FOXN3: variants seen among roughly 807,000 people sequenced by gnomAD.
The protein encoded by FOXN3 is forkhead box N3, also known as forkhead box protein N3.
In FOXN3, 7 loss-of-function variants were observed where a neutral mutation model predicts 38.4. That is an observed-to-expected ratio of 0.18 (90% CI 0.10 to 0.34). FOXN3 has a LOEUF of 0.34. FOXN3 is among the 10% of genes least tolerant of loss of function. The probability of loss-of-function intolerance (pLI) is 1.00; values close to 1 mark genes in which losing one functional copy is unlikely to be tolerated. For synonymous variants in FOXN3, 230 were observed against 242.2 expected, an observed-to-expected ratio of 0.95 and a Z score of 0.47; for missense variants, 456 against 613.4, an observed-to-expected ratio of 0.74 and a Z score of 2.71.
intron 5 of FOXN3, 128 bp downstream of exon 5, chr14:89,180,573 C>G (rs953921513): frequency 6.9e-6 from 4 of 583,514 alleles, no homozygotes; most frequent in African/African-American, 5.7e-5. Context: ...TTTCTGAGCA[C>G]GCAAACCAGG....
intron 2 of FOXN3, among the ~76,000 whole-genome samples, chr14:89,379,562 C>T (rs1890580903): frequency 6.6e-6 from 1 of 152,182 alleles, no homozygotes; most frequent in Non-Finnish European, 1.5e-5. Context: ...TGCTCCAGAG[C>T]ATGAAGAACT....
chr14:89,156,319 G>A lies in FOXN3; in HGVS notation c.*6095C>T, dbSNP rs1223187507. The A allele has an allele frequency of 6.6e-6, 1 of 152,594 alleles. No individual in the cohort carries two copies. The highest frequency in any genetic ancestry group is 1.5e-5 in the Non-Finnish European group (1 of 68,018). The allele number at this position is 152,594 out of a possible 1,614,324, so 9.5% of individuals were successfully genotyped here. On this transcript the variant is annotated 3_prime_UTR_variant, in exon 6 of 6. Transcript: ENST00000557258. ...TGTCTTTGGCAATATGATTACATAC[G>A]AAGAATGCAAAATGCAGGTATGGAT...
rs576100405 is a variant in FOXN3, at chr14:89,225,004, C to T, written c.746-44198G>A. ...ATTAGCTGGGTGTGGTGGTGCGTGC[C>T]TATAATCCCAGCTACTAGGGAGGCT... On this transcript the variant is annotated intron_variant, in intron 4 of 5. Coordinates refer to ENST00000557258, the MANE Select transcript of FOXN3 (RefSeq NM_005197.4). 2.0e-5 allele frequency among the ~76,000 whole-genome samples: 3 copies of T among 151,754 alleles called. No homozygotes were observed. In the South Asian group the frequency reaches 6.3e-4, roughly 32 times the overall value.
At chr14:89,299,296 G>GT (rs1485714767) in intron 3 of FOXN3, among the ~76,000 whole-genome samples, 10 of 152,224 alleles carry the variant, frequency 6.6e-5, no homozygotes, top group African/African-American at 2.4e-4. Context: ...AAATCCAATG[G>GT]TTTTATAAAT....
At chr14:89,444,300 GA>G (rs1892450326) in intron 1 of FOXN3, among the ~76,000 whole-genome samples, 1 of 151,820 alleles carries the variant, frequency 6.6e-6, no homozygotes, top group South Asian at 2.1e-4. Flanking sequence ...CGGTGGGGAA[GA>G]AACCAATTCT....
chr14:89,514,192 T>C (rs1221095191), intron 1 of FOXN3, among the ~76,000 whole-genome samples: 1 of 152,064 alleles, frequency 6.6e-6, no homozygotes, highest in Non-Finnish European at 1.5e-5. Context: ...TGGGGAGAAG[T>C]TGTCCTAAGG....
chr14:89,281,116 T>G, intron 3 of FOXN3, 102 bp from the exon 4 acceptor site: 7 of 1,006,830 alleles, frequency 7.0e-6, no homozygotes, highest in Non-Finnish European at 1.1e-5. Flanking sequence ...AAGTATGCAT[T>G]ACTGACACCC....
In FOXN3 at chr14:89,436,289, T is replaced by TAAAAAA. The variant is rs77915176; in HGVS notation, c.-14-23805_-14-23800dup. On this transcript the variant is annotated intron_variant, in intron 1 of 6. Transcript: ENST00000345097. ...GGCCAGAAAAGGTTTGTTTATTCAT[T>TAAAAAA]AAAAAAAAAAAAAAAAGTTAATTTA... 6.8e-3 allele frequency among the ~76,000 whole-genome samples: 916 copies of TAAAAAA among 134,790 alleles called. 10 individuals are homozygous for TAAAAAA. Among genetic ancestry groups the TAAAAAA allele is most frequent in the Middle Eastern group, 0.02 (5 of 246 alleles). 88.4% of individuals were successfully genotyped at this position (134,790 alleles called of 152,430 possible).
intron 2 of FOXN3, among the ~76,000 whole-genome samples, chr14:89,360,579 A>AGAGG (rs397713533): frequency 5.5e-5 from 6 of 108,826 alleles, no homozygotes; most frequent in Non-Finnish European, 1.2e-4. Flanking sequence ...AGAGAGAGAG[A>AGAGG]AGAAGAAAGG....
chr14:89,405,539 G>T (rs541014346), intron 2 of FOXN3, among the ~76,000 whole-genome samples: 1 of 152,064 alleles, frequency 6.6e-6, no homozygotes, highest in South Asian at 2.1e-4. Flanking sequence ...CAGTGTACAC[G>T]CAGGGAGAAA....
rs1280096783 is a variant in FOXN3 at position 89,511,173 on chromosome 14, C to CT, written c.-14-98684dup. 3.1e-3 allele frequency among the ~76,000 whole-genome samples: 127 copies of CT among 40,620 alleles called. 33 individuals are homozygous for CT. The highest frequency in any genetic ancestry group is 9.4e-3 in the African/African-American group (123 of 13,038). 26.6% of individuals were successfully genotyped at this position (40,620 alleles called of 152,430 possible). On this transcript the variant is annotated intron_variant, in intron 1 of 6. Transcript: ENST00000345097. Reference sequence around the variant, plus strand: ...TCTTTCTTTCTTTCTTTCTTTCTTTCTTTCTTTCTTTCTTTCTTTTCTTTC... The same window carrying CT: ...TCTTTCTTTCTTTCTTTCTTTCTTTCTTTTCTTTCTTTCTTTCTTTTCTTTC...
At chr14:89,228,501 T>C (rs940617149) in intron 4 of FOXN3, among the ~76,000 whole-genome samples, 8 of 152,260 alleles carry the variant, frequency 5.3e-5, no homozygotes, top group African/African-American at 1.9e-4. Context: ...TAATTTGTTT[T>C]ATTCTTAACC....
chr14:89,329,047 C>T (rs1371804191), intron 3 of FOXN3, among the ~76,000 whole-genome samples: 19 of 152,172 alleles, frequency 1.2e-4, no homozygotes, highest in Admixed American at 1.2e-3. Context: ...CCTCGGCCTG[C>T]CATCTGGGAA....
At chr14:89,257,100 G>T (rs11846029) in intron 4 of FOXN3, among the ~76,000 whole-genome samples, 1 of 152,142 alleles carries the variant, frequency 6.6e-6, no homozygotes, top group Non-Finnish European at 1.5e-5. Flanking sequence ...TGCAGGTTGC[G>T]GTGAGAGTCC....
intron 4 of FOXN3, among the ~76,000 whole-genome samples, chr14:89,192,596 TATATA>T (rs984332539): frequency 2.3e-3 from 327 of 142,392 alleles, no homozygotes; most frequent in Non-Finnish European, 3.8e-3. Flanking sequence ...TAATATAAAC[TATATA>T]ATATAAGCTA....
chr14:89,437,309 A>T (rs996196159), intron 1 of FOXN3, among the ~76,000 whole-genome samples: 4 of 152,124 alleles, frequency 2.6e-5, no homozygotes, highest in African/African-American at 9.7e-5. Flanking sequence ...ATGAAGGAGA[A>T]CAACTCTGTC....
intron 1 of FOXN3, among the ~76,000 whole-genome samples, chr14:89,505,964 G>A (rs1439000174): frequency 3.4e-5 from 5 of 145,106 alleles, no homozygotes; most frequent in African/African-American, 1.3e-4. Context: ...CCTGGCAACC[G>A]CCCCGTCTGA....
At chr14:89,186,599 G>C (rs1490081339) in intron 4 of FOXN3, among the ~76,000 whole-genome samples, 1 of 152,212 alleles carries the variant, frequency 6.6e-6, no homozygotes, top group Non-Finnish European at 1.5e-5. Flanking sequence ...AGTCCAGGGG[G>C]TAATGAGCCA....
chr14:89,537,173 CA>C (rs1358705062), intron 1 of FOXN3, among the ~76,000 whole-genome samples: 1 of 152,172 alleles, frequency 6.6e-6, no homozygotes, highest in Non-Finnish European at 1.5e-5. Flanking sequence ...AGAATGGGGA[CA>C]ATGTCCTATT....
Sources: gnomAD v4.1 joint callset for allele counts (sites outside exome capture counted in the v4.1 genomes callset) on GRCh38, gnomAD v4.1.1 for gene constraint, MANE v1.5 for transcripts, NCBI Gene and HGNC (gene_info 2026-07-23, HGNC 2026-07-21) for gene names.